The following PCDHA1 variants were observed in gnomAD, a reference collection of about 807,000 sequenced individuals.
PCDHA1 encodes the protein protocadherin alpha 1, also known as protocadherin alpha-1.
A neutral mutation model predicts 61.3 loss-of-function variants in PCDHA1; 42 were observed. The observed-to-expected ratio is 0.69, with a 90% CI of 0.54 to 0.89. The LOEUF is 0.89. Among genes scored for constraint, PCDHA1 ranks in the 40% least tolerant of loss-of-function variants. The pLI is 0.00. For synonymous variants in PCDHA1, 610 were observed against 553.8 expected, an observed-to-expected ratio of 1.10 and a Z score of -1.43; for missense variants, 1,256 against 1,235.3, an observed-to-expected ratio of 1.02 and a Z score of -0.25.
intron 1 of PCDHA1, among the ~76,000 whole-genome samples, chr5:140,945,682 G>GT (rs1325077083): frequency 6.6e-6 from 1 of 152,010 alleles, no homozygotes; most frequent in African/African-American, 2.4e-5. Context: ...AATCCACACA[G>GT]TTACTGTCCA....
At chr5:140,825,010 T>G (rs1223030036) in intron 1 of PCDHA1, 1 of 152,128 alleles carries the variant, frequency 6.6e-6, no homozygotes, top group Non-Finnish European at 1.5e-5. Flanking sequence ...TTTACTGTTC[T>G]AAAGGTGCAA....
chr5:140,834,313 A>C, intron 1 of PCDHA1: 1 of 1,362,812 alleles, frequency 7.3e-7, no homozygotes. Context: ...GATTGAAATG[A>C]AGGGATAAAA....
At chr5:140,829,374 G>T in intron 1 of PCDHA1, 1 of 1,614,224 alleles carries the variant, frequency 6.2e-7, no homozygotes, top group East Asian at 2.2e-5. Context: ...GTAACCGCGC[G>T]GGACGGGGGC....
At chr5:141,007,522 C>T (rs1475001472) in intron 3 of PCDHA1, among the ~76,000 whole-genome samples, 1 of 151,940 alleles carries the variant, frequency 6.6e-6, no homozygotes, top group Non-Finnish European at 1.5e-5. Context: ...GAGCTGATAT[C>T]TCGCCACTGC....
chr5:140,909,454 C>G (rs1317276726), intron 1 of PCDHA1, among the ~76,000 whole-genome samples: 2 of 152,190 alleles, frequency 1.3e-5, no homozygotes, highest in African/African-American at 4.8e-5. Flanking sequence ...TCTCCAAGAT[C>G]CATCTGTCTT....
chr5:140,795,073 G>C, intron 1 of PCDHA1: 2 of 1,613,978 alleles, frequency 1.2e-6, no homozygotes, highest in Non-Finnish European at 1.7e-6. Context: ...CTCCGTCCCC[G>C]AGGAGGCCAA....
intron 1 of PCDHA1, among the ~76,000 whole-genome samples, chr5:140,887,610 A>G (rs544288452): frequency 3.2e-4 from 49 of 151,656 alleles, no homozygotes; most frequent in Admixed American, 2.7e-3. Context: ...GTGCTTTAGT[A>G]TGGTTTTCTT....
intron 1 of PCDHA1, among the ~76,000 whole-genome samples, chr5:140,892,451 C>A (rs782296222): frequency 1.2e-4 from 19 of 152,128 alleles, no homozygotes; most frequent in Non-Finnish European, 2.5e-4. Flanking sequence ...TACATGTATT[C>A]TTTAAGTACG....
chr5:140,828,653 G>A, intron 1 of PCDHA1: 5 of 1,614,156 alleles, frequency 3.1e-6, no homozygotes, highest in Non-Finnish European at 4.2e-6. Context: ...AAACAGTGAT[G>A]ACAATAAACA....
intron 1 of PCDHA1, among the ~76,000 whole-genome samples, chr5:140,820,388 C>T (rs1283833514): frequency 1.3e-5 from 2 of 151,816 alleles, no homozygotes; most frequent in African/African-American, 4.8e-5. Flanking sequence ...TTTCTTTTTT[C>T]TTATCAAGCT....
In PCDHA1 at chr5:140,788,370, G is replaced by A. The variant is rs1159547413; in HGVS notation, c.2080G>A (p.Val694Met). The change falls in exon 1 of 4, where the codon GTG (valine) becomes ATG (methionine). Residue 694 changes from valine to methionine, a missense_variant. Coordinates refer to ENST00000504120, the MANE Select transcript of PCDHA1 (RefSeq NM_018900.4). ...VGVAGPEAAL[V>M]DVNVYLIIAI... ...TGTCGCGGGCCCAGAGGCGGCGCTG[G>A]TGGATGTCAACGTGTACCTGATCAT... 1 of 1,613,912 alleles carries A rather than the reference G, an allele frequency of 6.2e-7. No individual in the cohort carries two copies. The highest frequency in any genetic ancestry group is 8.5e-7 in the Non-Finnish European group (1 of 1,179,986).
intron 1 of PCDHA1, chr5:140,828,124 G>A (rs1769541261): frequency 1.9e-6 from 3 of 1,613,068 alleles, no homozygotes; most frequent in Non-Finnish European, 2.5e-6. Context: ...GATTGGGAAA[G>A]CAATGTCTGC....
chr5:140,809,156 C>A lies in PCDHA1; in HGVS notation c.2394+20472C>A, dbSNP rs142332964. ...GGTACTGGTGAAGGACCACGGCGAG[C>A]CCGCGCTGACGGCCACGGCCACTGT... On this transcript the variant is annotated intron_variant, in intron 1 of 3. Coordinates refer to ENST00000504120, the MANE Select transcript of PCDHA1 (RefSeq NM_018900.4). 1,245 of 1,613,862 alleles carry A rather than the reference C, an allele frequency of 7.7e-4. No individual in the cohort carries two copies. Among genetic ancestry groups the A allele is most frequent in the Non-Finnish European group, 1.0e-3 (1,205 of 1,179,950 alleles).
chr5:140,823,944 G>T, intron 1 of PCDHA1: 1 of 1,613,944 alleles, frequency 6.2e-7, no homozygotes, highest in African/African-American at 1.3e-5. Context: ...TGCGGTGCTC[G>T]GCGCAGCCCA....
At chr5:140,859,835 A>G (rs2046039280) in intron 1 of PCDHA1, 1 of 152,134 alleles carries the variant, frequency 6.6e-6, no homozygotes, top group South Asian at 2.1e-4. Context: ...TGTATTTGTT[A>G]TTTTATCAAA....
At chr5:140,871,228 CTCCTGG>C in intron 1 of PCDHA1, 1 of 1,613,938 alleles carries the variant, frequency 6.2e-7, no homozygotes, top group Non-Finnish European at 8.5e-7. Context: ...GGTGTCCAGC[CTCCTGG>C]TACTCACGCT....
chr5:140,905,826 T>C (rs782149349), intron 1 of PCDHA1, among the ~76,000 whole-genome samples: 8 of 152,170 alleles, frequency 5.3e-5, no homozygotes, highest in Non-Finnish European at 7.3e-5. Flanking sequence ...TAGATGTGTA[T>C]ATAAAGGGGA....
intron 1 of PCDHA1, chr5:140,876,262 C>A (rs1554168436): frequency 6.2e-7 from 1 of 1,614,012 alleles, no homozygotes. Context: ...AGTGATCCAA[C>A]TAAATGCTTC....
chr5:140,807,682 C>A (rs782331104), intron 1 of PCDHA1: 12 of 1,614,106 alleles, frequency 7.4e-6, no homozygotes, highest in South Asian at 2.2e-5. Flanking sequence ...TCGGGGAGAA[C>A]GCCCTGCTCA....
Sources: allele counts gnomAD v4.1 joint callset (sites outside exome capture counted in the v4.1 genomes callset), GRCh38; gene constraint gnomAD v4.1.1; transcripts MANE v1.5; gene names NCBI Gene and HGNC (gene_info 2026-07-23, HGNC 2026-07-21).